Variants in LRRC4B observed in about 807,000 individuals in gnomAD.
LRRC4B encodes leucine-rich repeat-containing protein 4B.
Under a neutral mutation model 7.3 loss-of-function variants are expected in LRRC4B, and 1 was observed. The observed-to-expected ratio is 0.14, with a 90% CI of 0.05 to 0.65. The LOEUF is 0.65. Ranked by LOEUF, LRRC4B falls within the 30% of genes least tolerant of loss-of-function variation. The pLI, the probability that LRRC4B is intolerant of heterozygous loss-of-function variation, is 0.84. For synonymous variants in LRRC4B, 500 were observed against 499.2 expected (o/e 1.00, Z -0.02); for missense variants, 730 against 1,041.6 (o/e 0.70, Z 4.12).
intron 2 of LRRC4B, among the ~76,000 whole-genome samples, chr19:50,524,740 G>A (rs570638597): frequency 4.6e-5 from 7 of 152,254 alleles, no homozygotes; most frequent in South Asian, 2.1e-4. Context: ...GTGGAGCTTC[G>A]AAATCCAAGG....
At chr19:50,539,113 T>C (rs1981431881) in intron 2 of LRRC4B, among the ~76,000 whole-genome samples, 1 of 146,310 alleles carries the variant, frequency 6.8e-6, no homozygotes, top group African/African-American at 2.5e-5. Flanking sequence ...CTCCTGACCT[T>C]GTGATCCACC....
chr19:50,565,394 G>A (rs533279774), intron 1 of LRRC4B, among the ~76,000 whole-genome samples: 14 of 152,304 alleles, frequency 9.2e-5, no homozygotes, highest in Admixed American at 5.2e-4. Context: ...TGTGACACAC[G>A]ACTACAGGTC....
chr19:50,529,830 A>G (rs1467196223), intron 2 of LRRC4B, among the ~76,000 whole-genome samples: 1 of 151,974 alleles, frequency 6.6e-6, no homozygotes, highest in Non-Finnish European at 1.5e-5. Context: ...AGAAAGAACA[A>G]AGGTATTGCT....
Position 50,517,827 on chromosome 19 carries a change from G to A in LRRC4B, c.1886C>T (p.Ala629Val), listed in dbSNP as rs771598143. 1.9e-6 allele frequency: 3 copies of A among 1,571,860 alleles called. No individual in the cohort carries two copies. Among genetic ancestry groups the A allele is most frequent in the Non-Finnish European group, 2.6e-6 (3 of 1,163,654 alleles). Residue 629 changes from alanine (A) to valine (V), a missense_variant, in exon 3 of 3, where the codon GCC becomes GTC. This residue lies in a region of LRRC4B where 160 missense variants were observed against 163.9 expected (regional missense o/e 0.98). Transcript: ENST00000652263. This position sits in a 1 kb window ranked among gnomAD's most constrained non-coding sequence, Gnocchi z 6.6. Reference protein sequence around the residue: ...NVEDELPAASAVSVAAAAAVA... With the variant: ...NVEDELPAASVVSVAAAAAVA... ...GGCGGCCGCGGCGGCCACGGACACGGCCGAGGCGGCGGGCAGCTCGTCCTC... is the reference window on the plus strand; with the variant it reads ...GGCGGCCGCGGCGGCCACGGACACGACCGAGGCGGCGGGCAGCTCGTCCTC...
At chr19:50,564,708 A>T (rs1463155056) in intron 1 of LRRC4B, among the ~76,000 whole-genome samples, 3 of 151,922 alleles carry the variant, frequency 2.0e-5, no homozygotes, top group Non-Finnish European at 4.4e-5. Context: ...CCGGCCAGAG[A>T]GAGTGGGGTG....
chr19:50,518,852 G>A lies in LRRC4B; in HGVS notation c.861C>T (p.Asn287=). 1.9e-6 allele frequency: 3 copies of A among 1,614,078 alleles called. No homozygotes were observed. Among genetic ancestry groups the A allele is most frequent in the Non-Finnish European group, 2.5e-6 (3 of 1,179,976 alleles). ...KSLEELNLSH[N]NLMSLPHDLF... is the part of the protein sequence containing the mutation. ...GGTCGTGGGGCAGCGACATCAGGTT[G>A]TTGTGGGACAGGTTGAGCTCCTCCA... is the stretch of plus-strand genomic sequence containing the variant. The change falls in exon 3 of 3, where the codon AAC becomes AAT. Residue 287 remains asparagine (N), a synonymous_variant. Transcript: ENST00000652263.
rs1599779307 is a variant in LRRC4B at position 50,548,416 on chromosome 19, G to T, written c.297+126C>A. The T allele has an allele frequency of 7.6e-7, 1 of 1,314,794 alleles. No individual in the cohort carries two copies. The highest frequency in any genetic ancestry group is 1.0e-6 in the Non-Finnish European group (1 of 961,880). 81.4% of individuals were successfully genotyped at this position (1,314,794 alleles called of 1,614,324 possible). Reference sequence around the variant, plus strand: ...CAGCTGATAGGATGCAGACCCGCAGGCCACATCCACAGGTGCCGGAGACGG... The same window carrying T: ...CAGCTGATAGGATGCAGACCCGCAGTCCACATCCACAGGTGCCGGAGACGG... On this transcript the variant is annotated intron_variant, in intron 2 of 2. Transcript: ENST00000652263. The surrounding 1 kb of genome is among the most constrained non-coding windows in gnomAD (Gnocchi z 6.8).
chr19:50,551,208 G>A (rs557119622), intron 1 of LRRC4B, among the ~76,000 whole-genome samples: 72 of 150,360 alleles, frequency 4.8e-4, no homozygotes, highest in Non-Finnish European at 7.8e-4. Context: ...CTTGGCTTCC[G>A]CTGGGCCTCT....
chr19:50,558,220 CACACACAT>C (rs916241760), intron 1 of LRRC4B, among the ~76,000 whole-genome samples: 14 of 149,448 alleles, frequency 9.4e-5, no homozygotes, highest in African/African-American at 1.3e-4. Flanking sequence ...CACACACACA[CACACACAT>C]ACACACACAC....
chr19:50,568,273 T>C lies in LRRC4B; in HGVS notation c.-365A>G, dbSNP rs1394962921. On this transcript the variant is annotated 5_prime_UTR_variant, in exon 1 of 3. Transcript: ENST00000652263. ...CTTCTTTCTTTCCTGGCTTCCTTCC[T>C]TCCAGCCTTCCTTCCTTCCTTCCTC... is the stretch of plus-strand genomic sequence containing the variant. 6.6e-6 allele frequency among the ~76,000 whole-genome samples: 1 copy of C among 151,462 alleles called. No individual in the cohort carries two copies. The highest frequency in any genetic ancestry group is 2.4e-5 in the African/African-American group (1 of 41,262).
chr19:50,527,669 T>C (rs1980872485), intron 2 of LRRC4B, among the ~76,000 whole-genome samples: 1 of 151,840 alleles, frequency 6.6e-6, no homozygotes, highest in African/African-American at 2.4e-5. Flanking sequence ...ATTGACAGGG[T>C]GATCTTTCCT....
chr19:50,529,181 A>C (rs1376184655), intron 2 of LRRC4B, among the ~76,000 whole-genome samples: 1 of 152,040 alleles, frequency 6.6e-6, no homozygotes, highest in Non-Finnish European at 1.5e-5. Context: ...CACCAACAGC[A>C]AAAAAACACT....
rs187888940 is a variant in LRRC4B at position 50,560,502 on chromosome 19, G to A, written c.-36+7442C>T. 9.1e-4 allele frequency among the ~76,000 whole-genome samples: 138 copies of A among 152,328 alleles called. 2 individuals are homozygous for A. The highest frequency in any genetic ancestry group is 3.2e-3 in the African/African-American group (134 of 41,562). On this transcript the variant is annotated intron_variant, in intron 1 of 2. Coordinates refer to ENST00000652263, the MANE Select transcript of LRRC4B (RefSeq NM_001080457.2). ...CTGTGATGAGTTTAGGGAAATGCCT[G>A]GGGCATAAAAGGAAAATGCTCAGTG... is the stretch of plus-strand genomic sequence containing the variant.
Position 50,553,945 on chromosome 19 carries a change from C to T in LRRC4B, c.-35-5072G>A, listed in dbSNP as rs2122913584. 6.6e-6 allele frequency among the ~76,000 whole-genome samples: 1 copy of T among 152,108 alleles called. No individual in the cohort carries two copies. Among genetic ancestry groups the T allele is most frequent in the East Asian group, 1.9e-4 (1 of 5,174 alleles). ...CTCCCAGCCCTGGACACCCTCGGTC[C>T]CCAGGTCCCCTTCCATCCCAGGAGG... On this transcript the variant is annotated intron_variant, in intron 1 of 2. Coordinates refer to ENST00000652263, the MANE Select transcript of LRRC4B (RefSeq NM_001080457.2). The surrounding 1 kb of genome is among the most constrained non-coding windows in gnomAD (Gnocchi z 4.2).
Position 50,563,428 on chromosome 19 carries a change from G to A in LRRC4B, c.-36+4516C>T, listed in dbSNP as rs1213302486. On this transcript the variant is annotated intron_variant, in intron 1 of 2. Transcript: ENST00000652263. The surrounding 1 kb of genome is among the most constrained non-coding windows in gnomAD (Gnocchi z 4.9). The stretch of plus-strand genomic sequence containing the variant: ...ACCCCACCAGAGAGGACACAAAGAC[G>A]TGCCCCCTTCACCCAGCAAGGGTGA... Among the ~76,000 whole-genome samples, 5 of 152,204 alleles carry A rather than the reference G, an allele frequency of 3.3e-5. No individual in the cohort carries two copies. The highest frequency in any genetic ancestry group is 7.3e-5 in the Non-Finnish European group (5 of 68,034).
intron 1 of LRRC4B, among the ~76,000 whole-genome samples, chr19:50,550,232 AG>A (rs1308328671): frequency 6.6e-6 from 1 of 152,134 alleles, no homozygotes; most frequent in Non-Finnish European, 1.5e-5. Context: ...GAGGGCGCAG[AG>A]GGGGTACTTC....
chr19:50,562,257 G>A (rs1376997873), intron 1 of LRRC4B, among the ~76,000 whole-genome samples: 1 of 152,136 alleles, frequency 6.6e-6, no homozygotes, highest in Non-Finnish European at 1.5e-5. Flanking sequence ...CCACACCAGG[G>A]TTTGGAGTCC....
At chr19:50,535,734 C>T (rs748919223) in intron 2 of LRRC4B, among the ~76,000 whole-genome samples, 42 of 152,178 alleles carry the variant, frequency 2.8e-4, no homozygotes, top group African/African-American at 4.1e-4. Context: ...CACACTGACC[C>T]GGCTCAGGCC....
rs375096569 is a variant in LRRC4B, at chr19:50,523,882, C to T, written c.298-4467G>A. 4.5e-4 allele frequency among the ~76,000 whole-genome samples: 65 copies of T among 144,302 alleles called. 1 individual carries two copies. The South Asian group carries it at 0.012, about 27-fold the overall frequency. 94.7% of individuals were successfully genotyped at this position (144,302 alleles called of 152,430 possible). A position where few individuals can be genotyped will look rare whatever the true frequency, so the allele number is the denominator to read the frequency against. On this transcript the variant is annotated intron_variant, in intron 2 of 2. Transcript: ENST00000652263. ...GCTGAGGCAGGAGAATCTCTTGAAC[C>T]CGGGAGGCGGAGGTTGCAGTGAGCC...
Sources: allele counts gnomAD v4.1 joint callset (sites outside exome capture counted in the v4.1 genomes callset), GRCh38; gene constraint gnomAD v4.1.1; regional missense constraint gnomAD v4.1.1; non-coding constraint Gnocchi (gnomAD v3.1); transcripts MANE v1.5; gene names NCBI Gene and HGNC (gene_info 2026-07-23, HGNC 2026-07-21).